IL1R1: variants seen among roughly 807,000 people sequenced by gnomAD.
The protein encoded by IL1R1 is interleukin-1 receptor type 1.
A neutral mutation model predicts 50.2 loss-of-function variants in IL1R1; 22 were observed. The ratio of observed to expected loss-of-function variants is 0.44; its 90% CI spans 0.31 to 0.63. The LOEUF (loss-of-function observed/expected upper bound fraction) is 0.63. Ranked by LOEUF, IL1R1 falls within the 20% of genes least tolerant of loss-of-function variation. The pLI is 0.07. For missense variants in IL1R1, 509 were observed against 676.2 expected, an observed-to-expected ratio of 0.75 and a Z score of 2.74; for synonymous variants, 251 against 236.7, an observed-to-expected ratio of 1.06 and a Z score of -0.55.
At chr2:102,136,549 TG>T (rs1243342768) in intron 1 of IL1R1, among the ~76,000 whole-genome samples, 1 of 152,008 alleles carries the variant, frequency 6.6e-6, no homozygotes, top group Non-Finnish European at 1.5e-5. Context: ...GCTAATTTTT[TG>T]TATCTTTAGT....
In IL1R1 at chr2:102,072,934, T is replaced by C. The variant is rs113265569; in HGVS notation, c.-84+2401T>C. On this transcript the variant is annotated intron_variant, in intron 1 of 11. Coordinates refer to the IL1R1 transcript ENST00000409929. ...ACTGAAGGCCCTTCCCGGCCAGTTC[T>C]GAGCTTGAGCTGAGTCAAATGTAAA... 7.8e-3 allele frequency among the ~76,000 whole-genome samples: 1,184 copies of C among 152,340 alleles called. 14 individuals carry two copies. Among genetic ancestry groups the C allele is most frequent in the African/African-American group, 0.028 (1,150 of 41,586 alleles).
chr2:102,074,868 T>C (rs1678893016), intron 1 of IL1R1, among the ~76,000 whole-genome samples: 2 of 152,184 alleles, frequency 1.3e-5, no homozygotes, highest in Admixed American at 6.5e-5. Context: ...TTTCTGCATT[T>C]CATGAAGTTT....
intron 1 of IL1R1, among the ~76,000 whole-genome samples, chr2:102,126,326 T>G (rs1681706524): frequency 6.6e-6 from 1 of 152,178 alleles, no homozygotes; most frequent in Non-Finnish European, 1.5e-5. Context: ...CTGAAACAGC[T>G]TGTGCCTCGC....
At chr2:102,082,091 A>G (rs527514911) in intron 1 of IL1R1, among the ~76,000 whole-genome samples, 28 of 152,294 alleles carry the variant, frequency 1.8e-4, no homozygotes, top group Admixed American at 7.2e-4. Context: ...ATTCACTTCC[A>G]GGTTTTCTTC....
At chr2:102,151,851 T>C (rs1683688751) in intron 1 of IL1R1, among the ~76,000 whole-genome samples, 1 of 152,006 alleles carries the variant, frequency 6.6e-6, no homozygotes, top group African/African-American at 2.4e-5. Flanking sequence ...TAGAGGTGCA[T>C]GGAGGTGGAA....
At chr2:102,097,884 G>A (rs1037461307) in intron 1 of IL1R1, among the ~76,000 whole-genome samples, 1 of 151,920 alleles carries the variant, frequency 6.6e-6, no homozygotes, top group Admixed American at 6.6e-5. Context: ...AAAATTTTTA[G>A]AGGATAAAAA....
At chr2:102,128,006 C>T (rs1188366195) in intron 1 of IL1R1, among the ~76,000 whole-genome samples, 1 of 152,246 alleles carries the variant, frequency 6.6e-6, no homozygotes, top group South Asian at 2.1e-4. Flanking sequence ...TTTCAATTCT[C>T]GACAGTTCTT....
At chr2:102,155,951 T>A (rs1405257962) in intron 2 of IL1R1, among the ~76,000 whole-genome samples, 2 of 152,254 alleles carry the variant, frequency 1.3e-5, no homozygotes, top group African/African-American at 2.4e-5. Flanking sequence ...GTCACACATC[T>A]TCTTTTTCTT....
intron 6 of IL1R1, among the ~76,000 whole-genome samples, chr2:102,167,773 C>G (rs185050331): frequency 6.6e-6 from 1 of 152,134 alleles, no homozygotes; most frequent in East Asian, 1.9e-4. Context: ...TTGATATTCT[C>G]TGTTTCCTTT....
At chr2:102,122,489 A>G (rs1478954813) in intron 1 of IL1R1, among the ~76,000 whole-genome samples, 2 of 152,182 alleles carry the variant, frequency 1.3e-5, no homozygotes, top group African/African-American at 4.8e-5. Context: ...GGCAATAGCA[A>G]CTGAATCTAA....
intron 6 of IL1R1, among the ~76,000 whole-genome samples, chr2:102,168,132 T>C (rs1013027559): frequency 1.1e-4 from 17 of 152,220 alleles, no homozygotes; most frequent in African/African-American, 4.1e-4. Context: ...CTTTTTTGCC[T>C]ATTTTAATAA....
intron 1 of IL1R1, among the ~76,000 whole-genome samples, chr2:102,132,882 C>T (rs1682114767): frequency 1.3e-5 from 2 of 152,114 alleles, no homozygotes; most frequent in Non-Finnish European, 2.9e-5. Flanking sequence ...CCCAAGCTAC[C>T]AGCTTCATTC....
intron 6 of IL1R1, among the ~76,000 whole-genome samples, chr2:102,166,592 G>A (rs3917292): frequency 0.048 from 7,281 of 152,216 alleles, 235 homozygotes; most frequent in Middle Eastern, 0.089. Context: ...CCTCTGGCTG[G>A]TATATGGGAA....
intron 3 of IL1R1, among the ~76,000 whole-genome samples, chr2:102,164,082 C>T (rs1403843757): frequency 2.0e-5 from 3 of 152,074 alleles, no homozygotes; most frequent in African/African-American, 4.8e-5. Flanking sequence ...CCCTCCAGTT[C>T]GTTTGGTAGT....
intron 1 of IL1R1, among the ~76,000 whole-genome samples, chr2:102,112,600 A>T (rs752085279): frequency 1.8e-4 from 28 of 152,140 alleles, no homozygotes; most frequent in Admixed American, 7.9e-4. Flanking sequence ...GTAACATGGG[A>T]TGGGGGTTGT....
chr2:102,130,216 A>G (rs932631972), intron 1 of IL1R1, among the ~76,000 whole-genome samples: 1 of 152,180 alleles, frequency 6.6e-6, no homozygotes, highest in South Asian at 2.1e-4. Flanking sequence ...ATTATTATGA[A>G]AGTAGTTTTG....
At position 102,175,493 on chromosome 2, in the gene IL1R1, C is replaced by A; in HGVS notation, c.1151C>A (p.Thr384Asn). Residue 384 changes from threonine to asparagine, a missense_variant, in exon 11 of 12, where the codon ACC becomes AAC. Physicochemically the swap from Thr to Asn is moderately conservative, Grantham distance 65 (BLOSUM62 0). Transcript: ENST00000410023. ...TTTCCTTTAGCTTCAGATGGAAAGA[C>A]CTATGACGCATATATACTGTATCCA... Reference protein sequence around the residue: ...FLPIKASDGKTYDAYILYPKT... With the variant: ...FLPIKASDGKNYDAYILYPKT... 2 of 1,613,250 alleles carry A rather than the reference C, an allele frequency of 1.2e-6. No individual in the cohort carries two copies. Among genetic ancestry groups the A allele is most frequent in the Non-Finnish European group, 1.7e-6 (2 of 1,179,224 alleles).
chr2:102,127,543 G>A (rs753587128), intron 1 of IL1R1, among the ~76,000 whole-genome samples: 5 of 151,900 alleles, frequency 3.3e-5, no homozygotes, highest in African/African-American at 4.8e-5. Flanking sequence ...TTCTAGAGGG[G>A]GTAGACAGTT....
chr2:102,170,157 G>A (rs927297064), intron 7 of IL1R1, among the ~76,000 whole-genome samples: 1 of 152,176 alleles, frequency 6.6e-6, no homozygotes, highest in Non-Finnish European at 1.5e-5. Flanking sequence ...GAAGCATATA[G>A]TACCCTGTCA....
Sources: gnomAD v4.1 joint callset for allele counts (sites outside exome capture counted in the v4.1 genomes callset) on GRCh38, gnomAD v4.1.1 for gene constraint, MANE v1.5 for transcripts, NCBI Gene and HGNC (gene_info 2026-07-23, HGNC 2026-07-21) for gene names.